The following PRKG1 variants were observed in gnomAD, a reference collection of about 807,000 sequenced individuals.
The protein encoded by PRKG1 is protein kinase cGMP-dependent 1.
In PRKG1, 35 loss-of-function variants were observed where a neutral mutation model predicts 88.1. That is an observed-to-expected ratio of 0.40 (90% CI 0.30 to 0.53). PRKG1 has a LOEUF of 0.53. PRKG1 is among the 20% of genes least tolerant of loss of function. The pLI, the probability that PRKG1 is intolerant of heterozygous loss-of-function variation, is 0.59. For missense variants in PRKG1, 540 were observed against 839.8 expected (o/e 0.64, Z 4.41); for synonymous variants, 303 against 292.5 (o/e 1.04, Z -0.37).
intron 3 of PRKG1, among the ~76,000 whole-genome samples, chr10:51,798,543 G>T (rs1213294393): frequency 6.6e-6 from 1 of 151,890 alleles, no homozygotes; most frequent in African/African-American, 2.4e-5. Context: ...CTTCATCTTG[G>T]CCTTCTAATA....
chr10:51,257,390 C>A (rs1439108359), intron 2 of PRKG1, among the ~76,000 whole-genome samples: 1 of 152,082 alleles, frequency 6.6e-6, no homozygotes, highest in African/African-American at 2.4e-5. Flanking sequence ...AAATGCCTGG[C>A]ACATGTTTAT....
intron 3 of PRKG1, among the ~76,000 whole-genome samples, chr10:51,605,972 A>G (rs1162301381): frequency 6.6e-6 from 1 of 152,214 alleles, no homozygotes; most frequent in African/African-American, 2.4e-5. Context: ...TCTAAAGACT[A>G]CATGGCTAAC....
chr10:51,623,069 C>A (rs1839248544), intron 3 of PRKG1, among the ~76,000 whole-genome samples: 1 of 152,204 alleles, frequency 6.6e-6, no homozygotes, highest in Admixed American at 6.5e-5. Context: ...TACATGTGAA[C>A]ATTTACAAAT....
chr10:52,003,823 A>C (rs991270547), intron 5 of PRKG1, among the ~76,000 whole-genome samples: 1 of 152,152 alleles, frequency 6.6e-6, no homozygotes, highest in African/African-American at 2.4e-5. Flanking sequence ...CAGCCCATCT[A>C]TGTCCCTCTG....
intron 2 of PRKG1, among the ~76,000 whole-genome samples, chr10:51,340,108 C>T (rs1178318364): frequency 6.6e-6 from 1 of 152,058 alleles, no homozygotes; most frequent in Non-Finnish European, 1.5e-5. Flanking sequence ...GGATGATTAT[C>T]CATTGACTTT....
intron 3 of PRKG1, among the ~76,000 whole-genome samples, chr10:51,529,923 T>A (rs181873924): frequency 6.6e-6 from 1 of 152,332 alleles, no homozygotes; most frequent in Non-Finnish European, 1.5e-5. Context: ...TTTATTGATT[T>A]AATTAATTGT....
At position 51,455,996 on chromosome 10, in the gene PRKG1, G is replaced by A. The variant is rs564726663; in HGVS notation, c.479-11727G>A. 5.9e-5 allele frequency among the ~76,000 whole-genome samples: 9 copies of A among 152,256 alleles called. No individual in the cohort carries two copies. The South Asian group carries it at 1.9e-3, about 32-fold the overall frequency. ...CACTATATTAGTCTGTTCTCATGCT[G>A]CTAATAAAGACATACCTGAGACTGG... is the stretch of plus-strand genomic sequence containing the variant. On this transcript the variant is annotated intron_variant, in intron 2 of 17. Transcript: ENST00000373980.
At chr10:51,387,484 T>C (rs1837283828) in intron 2 of PRKG1, among the ~76,000 whole-genome samples, 1 of 152,058 alleles carries the variant, frequency 6.6e-6, no homozygotes, top group African/African-American at 2.4e-5. Context: ...TTGCAGTCCA[T>C]CACACCTCTT....
chr10:51,653,383 T>C (rs2132317526), intron 3 of PRKG1, among the ~76,000 whole-genome samples: 1 of 152,292 alleles, frequency 6.6e-6, no homozygotes, highest in East Asian at 1.9e-4. Context: ...ATCTTTTGTC[T>C]TTTTTGATAG....
At chr10:51,497,697 G>T (rs1840899981) in intron 3 of PRKG1, among the ~76,000 whole-genome samples, 1 of 152,172 alleles carries the variant, frequency 6.6e-6, no homozygotes, top group Admixed American at 6.5e-5. Flanking sequence ...GTCTTGTAAA[G>T]TATCAGTTTT....
chr10:52,243,044 A>G (rs1023878692), intron 9 of PRKG1, among the ~76,000 whole-genome samples: 6 of 152,190 alleles, frequency 3.9e-5, no homozygotes, highest in African/African-American at 9.6e-5. Context: ...AATGGGTAGT[A>G]TATTCTCATT....
At chr10:52,150,686 G>GTCTTTGTT (rs1564491198) in intron 8 of PRKG1, among the ~76,000 whole-genome samples, 31 of 152,110 alleles carry the variant, frequency 2.0e-4, no homozygotes. Context: ...TTAAACTAAT[G>GTCTTTGTT]TCTTTGTTTC....
At chr10:51,199,706 T>C (rs113440698) in intron 2 of PRKG1, among the ~76,000 whole-genome samples, 2,756 of 152,278 alleles carry the variant, frequency 0.018, 40 homozygotes, top group Middle Eastern at 0.051. Context: ...CTGGCTTTGT[T>C]TCTTCACTGA....
intron 3 of PRKG1, among the ~76,000 whole-genome samples, chr10:51,790,394 G>A (rs529613107): frequency 6.6e-6 from 1 of 152,234 alleles, no homozygotes; most frequent in East Asian, 1.9e-4. Context: ...CAGGTGCCAT[G>A]CTGAGTATCC....
chr10:52,071,302 C>G (rs1472708074), intron 7 of PRKG1, among the ~76,000 whole-genome samples: 2 of 152,088 alleles, frequency 1.3e-5, no homozygotes, highest in East Asian at 3.9e-4. Context: ...ATCTCTGCCT[C>G]CCCTCTTTTC....
rs560606294 is a variant in PRKG1, at chr10:51,246,958, C to G, written c.478+93628C>G. 3.9e-5 allele frequency among the ~76,000 whole-genome samples: 6 copies of G among 152,124 alleles called. No homozygotes were observed. The South Asian group carries it at 6.2e-4, about 16-fold the overall frequency. On this transcript the variant is annotated intron_variant, in intron 2 of 17. Coordinates refer to ENST00000373980, the MANE Select transcript of PRKG1 (RefSeq NM_006258.4). ...GAAACATTTTTAAAACTTGGGGACC[C>G]AAAAGCAACATTTCTGTGGTCTGGA...
chr10:52,292,339 T>C (rs1404511221), intron 17 of PRKG1, among the ~76,000 whole-genome samples: 6 of 151,992 alleles, frequency 3.9e-5, no homozygotes, highest in East Asian at 1.9e-4. Context: ...TCCTTGCCCA[T>C]GCCTATGTCC....
At chr10:51,040,019 A>T (rs1843399520) in intron 1 of PRKG1, among the ~76,000 whole-genome samples, 1 of 152,120 alleles carries the variant, frequency 6.6e-6, no homozygotes, top group African/African-American at 2.4e-5. Flanking sequence ...TTATGCCTCC[A>T]ATTTTGTTCT....
chr10:51,415,293 A>G (rs1313664792), intron 2 of PRKG1, among the ~76,000 whole-genome samples: 1 of 152,232 alleles, frequency 6.6e-6, no homozygotes, highest in Non-Finnish European at 1.5e-5. Flanking sequence ...ATAAAGAATG[A>G]CTATTGTACT....
Sources: allele counts gnomAD v4.1 joint callset (sites outside exome capture counted in the v4.1 genomes callset), GRCh38; gene constraint gnomAD v4.1.1; transcripts MANE v1.5; gene names NCBI Gene and HGNC (gene_info 2026-07-23, HGNC 2026-07-21).